The following PDZD8 variants were observed in gnomAD, a reference collection of about 807,000 sequenced individuals.
PDZD8 encodes the protein PDZ domain containing 8.
A neutral mutation model predicts 85.8 loss-of-function variants in PDZD8; 14 were observed. The observed-to-expected ratio is 0.16, with a 90% CI of 0.11 to 0.26. PDZD8 has a LOEUF of 0.26. PDZD8 is among the 10% of genes least tolerant of loss of function. The pLI, the probability that PDZD8 is intolerant of heterozygous loss-of-function variation, is 1.00. For synonymous variants in PDZD8, 592 were observed against 568.6 expected, an observed-to-expected ratio of 1.04 and a Z score of -0.59; for missense variants, 1,197 against 1,424.3, an observed-to-expected ratio of 0.84 and a Z score of 2.57.
intron 3 of PDZD8, among the ~76,000 whole-genome samples, chr10:117,315,109 A>G (rs1276723682): frequency 6.6e-6 from 1 of 152,152 alleles, no homozygotes; most frequent in East Asian, 1.9e-4. Flanking sequence ...GCCCATTTTC[A>G]TGGTACCTTC....
chr10:117,339,719 T>C (rs138452628), intron 2 of PDZD8, among the ~76,000 whole-genome samples: 2 of 152,238 alleles, frequency 1.3e-5, no homozygotes, highest in Non-Finnish European at 2.9e-5. Context: ...AGTTGTATAG[T>C]TGCAACAGAG....
At chr10:117,291,971 C>T (rs1004610917) in intron 3 of PDZD8, among the ~76,000 whole-genome samples, 2 of 152,054 alleles carry the variant, frequency 1.3e-5, no homozygotes, top group Admixed American at 6.5e-5. Flanking sequence ...GTCCACATTT[C>T]TTAAGTCCTA....
At chr10:117,358,645 G>A (rs1844941801) in intron 1 of PDZD8, among the ~76,000 whole-genome samples, 1 of 151,876 alleles carries the variant, frequency 6.6e-6, no homozygotes, top group Non-Finnish European at 1.5e-5. Flanking sequence ...TTTTGACAAG[G>A]CAGTTTAAAG....
At chr10:117,303,133 G>A (rs370563746) in intron 3 of PDZD8, among the ~76,000 whole-genome samples, 5 of 152,346 alleles carry the variant, frequency 3.3e-5, no homozygotes, top group African/African-American at 1.2e-4. Flanking sequence ...ATGTGGGAAA[G>A]TTTGGAACTT....
intron 1 of PDZD8, among the ~76,000 whole-genome samples, chr10:117,372,053 C>T (rs765254262): frequency 3.3e-5 from 5 of 152,140 alleles, no homozygotes; most frequent in Admixed American, 2.6e-4. Context: ...TACTGAAATC[C>T]CAGCATCTAC....
At chr10:117,358,743 G>A (rs976513239) in intron 1 of PDZD8, among the ~76,000 whole-genome samples, 2 of 152,086 alleles carry the variant, frequency 1.3e-5, no homozygotes, top group Non-Finnish European at 2.9e-5. Flanking sequence ...AACTCTGAGA[G>A]CCCCAGTTTC....
chr10:117,311,969 A>G (rs549549469), intron 3 of PDZD8, among the ~76,000 whole-genome samples: 31 of 152,056 alleles, frequency 2.0e-4, no homozygotes, highest in African/African-American at 7.2e-4. Context: ...ACATTGTCCA[A>G]TGCAGAGGGG....
At chr10:117,365,313 T>C (rs192716594) in intron 1 of PDZD8, among the ~76,000 whole-genome samples, 7 of 152,150 alleles carry the variant, frequency 4.6e-5, no homozygotes, top group African/African-American at 1.7e-4. Flanking sequence ...TAGGTATATA[T>C]AGAAAACTCA....
chr10:117,297,751 G>A (rs185336831), intron 3 of PDZD8, among the ~76,000 whole-genome samples: 45 of 152,218 alleles, frequency 3.0e-4, no homozygotes, highest in African/African-American at 7.9e-4. Flanking sequence ...TGTAATGGAT[G>A]AGGTGATAAA....
At chr10:117,305,783 A>G (rs1054512167) in intron 3 of PDZD8, among the ~76,000 whole-genome samples, 6 of 152,202 alleles carry the variant, frequency 3.9e-5, no homozygotes, top group African/African-American at 1.4e-4. Flanking sequence ...GAAGCTGCTG[A>G]AGTCAGCCTC....
rs779539533 is a variant in PDZD8 at position 117,375,009 on chromosome 10, G to C, written c.219C>G (p.Ala73=). 7 of 1,587,016 alleles carry C rather than the reference G, an allele frequency of 4.4e-6. No individual in the cohort carries two copies. Among genetic ancestry groups the C allele is most frequent in the Admixed American group, 1.8e-5 (1 of 56,642 alleles). Residue 73 remains alanine (A), a synonymous_variant, in exon 1 of 5, where the codon GCC becomes GCG. Coordinates refer to ENST00000334464, the MANE Select transcript of PDZD8 (RefSeq NM_173791.5). ...CGGTGGGGGTCGCGCCGCCCTCAGG[G>C]GCCGCTCCGGAGGGCTCCTCATCCC... ...GGRDEEPSGA[A]PEGGATPTAA... is the part of the protein sequence containing the mutation.
chr10:117,330,012 G>C, intron 2 of PDZD8, among the ~76,000 whole-genome samples: 1 of 52,224 alleles, frequency 1.9e-5, no homozygotes, highest in African/African-American at 6.6e-5. Context: ...GAGGGAGGGA[G>C]GGAGGGAGGG....
intron 3 of PDZD8, among the ~76,000 whole-genome samples, chr10:117,299,307 T>C (rs2096112): frequency 0.49 from 75,042 of 151,964 alleles, 19,538 homozygotes; most frequent in South Asian, 0.58. Context: ...ATGATCTTTT[T>C]GCAAAGAATT....
intron 1 of PDZD8, among the ~76,000 whole-genome samples, chr10:117,369,206 T>G (rs1280871361): frequency 6.6e-6 from 1 of 152,156 alleles, no homozygotes; most frequent in Non-Finnish European, 1.5e-5. Flanking sequence ...TTGCCCAGGC[T>G]GGAGTGCAGT....
At position 117,374,299 on chromosome 10, in the gene PDZD8, G is replaced by A. The variant is rs1044691403; in HGVS notation, c.872+57C>T. 70 of 1,588,204 alleles carry A rather than the reference G, an allele frequency of 4.4e-5. No individual in the cohort carries two copies. The highest frequency in any genetic ancestry group is 2.1e-4 in the South Asian group (18 of 85,944). On this transcript the variant is annotated intron_variant, in intron 1 of 4. Transcript: ENST00000334464. This position sits in a 1 kb window ranked among gnomAD's most constrained non-coding sequence, Gnocchi z 7.8. ...CTTTGCCCTTCCCAATCCACGCAGC[G>A]TCCCGCCCAGGCCCGGGTTCCCGGC...
In PDZD8 at chr10:117,375,370, G is replaced by A; in HGVS notation, c.-143C>T. 1.9e-6 allele frequency: 1 copy of A among 522,708 alleles called. No homozygotes were observed. The highest frequency in any genetic ancestry group is 2.9e-6 in the Non-Finnish European group (1 of 344,878). 32.4% of individuals were successfully genotyped at this position (522,708 alleles called of 1,614,324 possible). A position where few individuals can be genotyped will look rare whatever the true frequency, so the allele number is the denominator to read the frequency against. ...CTCCGTGGGCCTCGTCCAGGGGCTC[G>A]GGCCGGCGCGCTGCGGCGCCCGAGC... On this transcript the variant is annotated 5_prime_UTR_variant, in exon 1 of 5. Coordinates refer to ENST00000334464, the MANE Select transcript of PDZD8 (RefSeq NM_173791.5).
At chr10:117,287,990 A>AT (rs1844695234) in intron 4 of PDZD8, among the ~76,000 whole-genome samples, 1 of 152,208 alleles carries the variant, frequency 6.6e-6, no homozygotes, top group African/African-American at 2.4e-5. Context: ...ATCTGAACTC[A>AT]TTTTTTATGA....
In PDZD8 at chr10:117,375,179, G is replaced by C. The variant is rs779067614; in HGVS notation, c.49C>G (p.Leu17Val). 6.3e-7 allele frequency: 1 copy of C among 1,578,836 alleles called. No individual in the cohort carries two copies. The highest frequency in any genetic ancestry group is 8.6e-7 in the Non-Finnish European group (1 of 1,168,922). ...AGGAAGAACTGGGCGAGGAGCGTGA[G>C]GAAGGAACCCAGCACGGCCGACGCC... ...ILASAVLGSF[L>V]TLLAQFFLLY... Residue 17 changes from leucine (L) to valine (V), a missense_variant, in exon 1 of 5, where the codon CTC becomes GTC. By Grantham distance (32) the Leu-to-Val change is conservative. This residue lies in a region of PDZD8 where 172 missense variants were observed against 137.8 expected (regional missense o/e 1.25). Transcript: ENST00000334464.
intron 3 of PDZD8, among the ~76,000 whole-genome samples, chr10:117,297,065 A>G (rs1283455146): frequency 1.3e-5 from 2 of 152,148 alleles, no homozygotes; most frequent in African/African-American, 4.8e-5. Flanking sequence ...CCATGAATAT[A>G]TAACTCTTAC....
Sources: allele counts gnomAD v4.1 joint callset (sites outside exome capture counted in the v4.1 genomes callset), GRCh38; gene constraint gnomAD v4.1.1; regional missense constraint gnomAD v4.1.1; non-coding constraint Gnocchi (gnomAD v3.1); transcripts MANE v1.5; gene names NCBI Gene and HGNC (gene_info 2026-07-23, HGNC 2026-07-21).